The following TEAD3 variants were observed in gnomAD, a reference collection of about 807,000 sequenced individuals.
TEAD3 encodes transcriptional enhancer factor TEF-5.
A neutral mutation model predicts 55.6 loss-of-function variants in TEAD3; 15 were observed. The observed-to-expected ratio is 0.27, with a 90% CI of 0.18 to 0.42. The LOEUF is 0.42. TEAD3 is among the 10% of genes least tolerant of loss of function. The pLI, the probability that TEAD3 is intolerant of heterozygous loss-of-function variation, is 1.00. For missense variants in TEAD3, 407 were observed against 576.8 expected (o/e 0.71, Z 3.01); for synonymous variants, 210 against 232.2 (o/e 0.90, Z 0.87).
At position 35,488,047 on chromosome 6, in the gene TEAD3, C is replaced by T. The variant is rs529499058; in HGVS notation, c.-49-1336G>A. On this transcript the variant is annotated intron_variant, in intron 1 of 12. Transcript: ENST00000639578. The surrounding 1 kb of genome is among the most constrained non-coding windows in gnomAD (Gnocchi z 4.2). The stretch of plus-strand genomic sequence containing the variant: ...AAGGAGAGTCCCTGACCCAGAAGGG[C>T]ACCATTTTATCTTCCCCCAAATCGA... Among the ~76,000 whole-genome samples the T allele has an allele frequency of 6.6e-4, 98 of 148,694 alleles. No individual in the cohort carries two copies. The highest frequency in any genetic ancestry group is 2.3e-3 in the African/African-American group (91 of 38,850).
In TEAD3 at chr6:35,475,159, TG is replaced by T; in HGVS notation, c.1195-3del. The T allele has an allele frequency of 1.3e-6, 2 of 1,576,094 alleles. No individual in the cohort carries two copies. The highest frequency in any genetic ancestry group is 2.3e-5 in the East Asian group (1 of 42,750). Reference sequence around the variant, plus strand: ...CTGGGAGTCCCGGCTCGTGACCACCTGGGGGGTGAGCAGGTAAGAGATTCAG... The same window carrying T: ...CTGGGAGTCCCGGCTCGTGACCACCTGGGGGTGAGCAGGTAAGAGATTCAG... On this transcript the variant is annotated splice_region_variant and splice_polypyrimidine_tract_variant and intron_variant, in intron 12 of 12. Coordinates refer to ENST00000639578, the Ensembl canonical transcript of TEAD3. This position sits in a 1 kb window ranked among gnomAD's most constrained non-coding sequence, Gnocchi z 5.4.
chr6:35,491,552 C>A lies in TEAD3; in HGVS notation c.-49-4841G>T, dbSNP rs1768519996. On this transcript the variant is annotated intron_variant, in intron 1 of 12. Transcript: ENST00000639578. The surrounding 1 kb of genome is among the most constrained non-coding windows in gnomAD (Gnocchi z 4.4). ...GACACCCCCACTCCCATCTCAGGGG[C>A]TCCTACCCTCCACCTCCTCTCAGAA... Among the ~76,000 whole-genome samples the A allele has an allele frequency of 6.6e-6, 1 of 152,120 alleles. No homozygotes were observed.
At chr6:35,477,497 G>T in intron 7 of TEAD3, 125 bp from the exon 8 acceptor site, 2 of 809,040 alleles carry the variant, frequency 2.5e-6, no homozygotes, top group Non-Finnish European at 3.9e-6. Context: ...AGAAACGCAT[G>T]CTGAAAAGCT....
intron 1 of TEAD3, among the ~76,000 whole-genome samples, chr6:35,495,530 G>A (rs1015014037): frequency 1.3e-5 from 2 of 152,150 alleles, no homozygotes; most frequent in Admixed American, 6.5e-5. Context: ...GGACAGCCTT[G>A]TCCTGGAAGA....
chr6:35,476,392 C>T (rs1468988087), exon 9 of TEAD3: 1 of 1,613,018 alleles, frequency 6.2e-7, no homozygotes, highest in African/African-American at 1.3e-5. Flanking sequence ...GCCACACAGG[C>T]ACAGAGGCAG....
chr6:35,494,198 TCA>T (rs1046611474), intron 1 of TEAD3, among the ~76,000 whole-genome samples: 24 of 152,306 alleles, frequency 1.6e-4, no homozygotes, highest in African/African-American at 5.5e-4. Context: ...ACATCCAGCG[TCA>T]CACACAGTTG....
chr6:35,486,539 T>G lies in TEAD3; in HGVS notation c.124A>C (p.Ser42Arg). The G allele has an allele frequency of 6.2e-7, 1 of 1,613,640 alleles. No homozygotes were observed. Among genetic ancestry groups the G allele is most frequent in the Non-Finnish European group, 8.5e-7 (1 of 1,179,792 alleles). Residue 42 changes from serine (S) to arginine (R), a missense_variant, in exon 2 of 13, where the codon AGC becomes CGC. Ser to Arg is a moderately radical substitution (Grantham distance 110, BLOSUM62 -1). Coordinates refer to ENST00000639578, the Ensembl canonical transcript of TEAD3. The surrounding 1 kb of genome is among the most constrained non-coding windows in gnomAD (Gnocchi z 7.3). ...TAGATGGCCAGGGCCTCCTGGAAGC[T>G]CTGCTCGATGTCCGGGCTCCACACG... is the stretch of plus-strand genomic sequence containing the variant.
chr6:35,479,232 G>A (rs550617123), intron 5 of TEAD3, 73 bp downstream of exon 5: 214 of 1,578,210 alleles, frequency 1.4e-4, no homozygotes, highest in Non-Finnish European at 1.8e-4. Flanking sequence ...TTCATAATCT[G>A]TCATTTGAAA....
At chr6:35,489,157 T>A (rs554278329) in intron 1 of TEAD3, among the ~76,000 whole-genome samples, 1 of 152,396 alleles carries the variant, frequency 6.6e-6, no homozygotes, top group Admixed American at 6.5e-5. Context: ...TTACTACTAC[T>A]AACAGTACCT....
rs1353468529 is a variant in TEAD3 at position 35,486,351 on chromosome 6, G to C, written c.202+110C>G. 2 of 1,318,668 alleles carry C rather than the reference G, an allele frequency of 1.5e-6. No homozygotes were observed. The highest frequency in any genetic ancestry group is 4.9e-5 in the Admixed American group (2 of 41,198). 81.7% of individuals were successfully genotyped at this position (1,318,668 alleles called of 1,614,324 possible). A position where few individuals can be genotyped will look rare whatever the true frequency, so the allele number is the denominator to read the frequency against. ...CCAGACACACAGGCTTGCGCGCCCA[G>C]ACTCGCCCGGCCAGCGGCTGGCGGC... On this transcript the variant is annotated intron_variant, in intron 2 of 12. Transcript: ENST00000639578. The surrounding 1 kb of genome is among the most constrained non-coding windows in gnomAD (Gnocchi z 7.3).
rs751815636 is a variant in TEAD3 at position 35,486,557 on chromosome 6, T to A, written c.106A>T (p.Ser36Cys). Residue 36 changes from serine to cysteine, a missense_variant, in exon 2 of 13, where the codon AGC becomes TGC. By Grantham distance (112) the Ser-to-Cys change is moderately radical (BLOSUM62 -1). Coordinates refer to ENST00000639578, the Ensembl canonical transcript of TEAD3. The surrounding 1 kb of genome is among the most constrained non-coding windows in gnomAD (Gnocchi z 7.3). ...TGGAAGCTCTGCTCGATGTCCGGGCTCCACACGCCCTCCGCATCGTTGTCC... is the reference window on the plus strand; with the variant it reads ...TGGAAGCTCTGCTCGATGTCCGGGCACCACACGCCCTCCGCATCGTTGTCC... 1 of 1,613,642 alleles carries A rather than the reference T, an allele frequency of 6.2e-7. No individual in the cohort carries two copies. The highest frequency in any genetic ancestry group is 1.7e-5 in the Admixed American group (1 of 60,030).
At position 35,475,083 on chromosome 6, in the gene TEAD3, G is replaced by A. The variant is rs371647902; in HGVS notation, c.1269C>T (p.His423=). ...GCTTGTAGACATGGTGCTGGGCCCC[G>A]TGCTCACTGGTGGAGACTTCGAAGA... Residue 423 remains histidine, a synonymous_variant, in exon 13 of 13, where the codon CAC becomes CAT. Coordinates refer to ENST00000639578, the Ensembl canonical transcript of TEAD3. The surrounding 1 kb of genome is among the most constrained non-coding windows in gnomAD (Gnocchi z 5.4). 68 of 1,598,012 alleles carry A rather than the reference G, an allele frequency of 4.3e-5. No homozygotes were observed. The highest frequency in any genetic ancestry group is 2.1e-4 in the African/African-American group (16 of 74,756).
In TEAD3 at chr6:35,496,980, T is replaced by G. The variant is rs1581733300; in HGVS notation, c.-132A>C. On this transcript the variant is annotated 5_prime_UTR_variant, in exon 1 of 13. Transcript: ENST00000639578. The surrounding 1 kb of genome is among the most constrained non-coding windows in gnomAD (Gnocchi z 4.8). Reference sequence around the variant, plus strand: ...CGCAAGGGGGGCCGGGGAAGGGGGGTCGTGGGGAGGGGGCTGGCCGGAATG... The same window carrying G: ...CGCAAGGGGGGCCGGGGAAGGGGGGGCGTGGGGAGGGGGCTGGCCGGAATG... The G allele has an allele frequency of 7.1e-6, 1 of 140,594 alleles. No individual in the cohort carries two copies. Among genetic ancestry groups the G allele is most frequent in the Non-Finnish European group, 1.6e-5 (1 of 64,088 alleles). 8.7% of individuals were successfully genotyped at this position (140,594 alleles called of 1,614,324 possible). A position where few individuals can be genotyped will look rare whatever the true frequency, so the allele number is the denominator to read the frequency against.
At chr6:35,495,663 G>A (rs1278368270) in intron 1 of TEAD3, among the ~76,000 whole-genome samples, 1 of 152,156 alleles carries the variant, frequency 6.6e-6, no homozygotes, top group Non-Finnish European at 1.5e-5. Context: ...AGAAGGGAGA[G>A]GACATAATTC....
chr6:35,494,460 G>T (rs1388951743), intron 1 of TEAD3, among the ~76,000 whole-genome samples: 5 of 152,180 alleles, frequency 3.3e-5, no homozygotes, highest in Admixed American at 6.5e-5. Context: ...ACCAGGAGGG[G>T]AGGGGAGGGA....
rs952757549 is a variant in TEAD3, at chr6:35,483,080, A to G, written c.267+1480T>C. 4.6e-5 allele frequency among the ~76,000 whole-genome samples: 7 copies of G among 152,360 alleles called. No individual in the cohort carries two copies. Among genetic ancestry groups the G allele is most frequent in the African/African-American group, 1.7e-4 (7 of 41,582 alleles). On this transcript the variant is annotated intron_variant, in intron 3 of 12. Transcript: ENST00000639578. The surrounding 1 kb of genome is among the most constrained non-coding windows in gnomAD (Gnocchi z 4.5). ...TTTGAACCCAAGGGCTCCAGGGGAC[A>G]GGGCTCTGGCGCACGCCTCCATGTG...
At chr6:35,487,142 C>T (rs993997803) in intron 1 of TEAD3, among the ~76,000 whole-genome samples, 3 of 152,140 alleles carry the variant, frequency 2.0e-5, no homozygotes, top group African/African-American at 7.2e-5. Context: ...AAAACTAGGC[C>T]GGCGCGATGG....
At position 35,485,729 on chromosome 6, in the gene TEAD3, G is replaced by A. The variant is rs888195193; in HGVS notation, c.202+732C>T. Among the ~76,000 whole-genome samples, 9 of 152,188 alleles carry A rather than the reference G, an allele frequency of 5.9e-5. No individual in the cohort carries two copies. Among genetic ancestry groups the A allele is most frequent in the Non-Finnish European group, 1.0e-4 (7 of 68,018 alleles). ...GGTGGGGCTCTGGGGCTGGGTGGGC[G>A]TGGCCAAGGGACACGGAGCGGACCT... is the stretch of plus-strand genomic sequence containing the variant. On this transcript the variant is annotated intron_variant, in intron 2 of 12. Transcript: ENST00000639578. This position sits in a 1 kb window ranked among gnomAD's most constrained non-coding sequence, Gnocchi z 4.3.
rs928807718 is a variant in TEAD3, at chr6:35,484,780, G to A, written c.203-156C>T. On this transcript the variant is annotated intron_variant, in intron 2 of 12. Transcript: ENST00000639578. The surrounding 1 kb of genome is among the most constrained non-coding windows in gnomAD (Gnocchi z 5.8). ...ACCCCAAGCTGCACATGCAGGGCATGCAAAGGTGGCTGGGGAGTCACAGCT... is the reference window on the plus strand; with the variant it reads ...ACCCCAAGCTGCACATGCAGGGCATACAAAGGTGGCTGGGGAGTCACAGCT... Among the ~76,000 whole-genome samples the A allele has an allele frequency of 6.6e-6, 1 of 152,186 alleles. No individual in the cohort carries two copies. Among genetic ancestry groups the A allele is most frequent in the Admixed American group, 6.5e-5 (1 of 15,286 alleles).
Sources: gnomAD v4.1 joint callset for allele counts (sites outside exome capture counted in the v4.1 genomes callset) on GRCh38, gnomAD v4.1.1 for gene constraint, Gnocchi (gnomAD v3.1) non-coding constraint, MANE v1.5 for transcripts, NCBI Gene and HGNC (gene_info 2026-07-23, HGNC 2026-07-21) for gene names.